The following AP3M1 variants were observed in gnomAD, a reference collection of about 807,000 sequenced individuals.
AP3M1 encodes the protein adaptor related protein complex 3 subunit mu 1, also known as AP-3 complex subunit mu-1.
Under a neutral mutation model 42.6 loss-of-function variants are expected in AP3M1, and 29 were observed. The ratio of observed to expected loss-of-function variants is 0.68; its 90% CI spans 0.51 to 0.93. The LOEUF (loss-of-function observed/expected upper bound fraction) is 0.93, where lower values mean the gene tolerates loss of function less well. AP3M1 is among the 40% of genes least tolerant of loss of function. The pLI, the probability that AP3M1 is intolerant of heterozygous loss-of-function variation, is 0.00. For missense variants in AP3M1, 416 were observed against 510.2 expected (o/e 0.82, Z 1.78); for synonymous variants, 178 against 175.3 (o/e 1.02, Z -0.12).
At chr10:74,138,451 T>C in intron 1 of AP3M1, 69 bp from the exon 2 acceptor site, 3 of 1,412,290 alleles carry the variant, frequency 2.1e-6, no homozygotes, top group South Asian at 1.4e-5. Context: ...AAAAAGATTA[T>C]ACACCTTGAC....
chr10:74,136,814 A>G lies in AP3M1; in HGVS notation c.274-11T>C. The stretch of plus-strand genomic sequence containing the variant: ...CTCACCAAAGTAGTCCTGACAAAAT[A>G]CACACAAAATATCACACAATGGAAG... On this transcript the variant is annotated splice_polypyrimidine_tract_variant and intron_variant, in intron 2 of 8. Transcript: ENST00000355264. The G allele has an allele frequency of 6.8e-7, 1 of 1,473,444 alleles. No homozygotes were observed. Among genetic ancestry groups the G allele is most frequent in the Non-Finnish European group, 9.1e-7 (1 of 1,094,166 alleles). 91.3% of individuals were successfully genotyped at this position (1,473,444 alleles called of 1,614,324 possible).
Position 74,138,933 on chromosome 10 carries a change from T to TTA in AP3M1, c.-3-552_-3-551insTA, listed in dbSNP as rs1329430287. 4.5e-4 allele frequency: 23 copies of TTA among 51,676 alleles called. 1 individual carries two copies. The highest frequency in any genetic ancestry group is 1.8e-3 in the African/African-American group (21 of 11,730). 3.2% of individuals were successfully genotyped at this position (51,676 alleles called of 1,614,324 possible). ...CTGGGTGACCAAGTGAGACACTATC[T>TTA]AAAAAAAAAAAAAAAAAAAAAAAAA... On this transcript the variant is annotated intron_variant, in intron 1 of 8. Coordinates refer to ENST00000355264, the MANE Select transcript of AP3M1 (RefSeq NM_012095.6).
chr10:74,136,789 C>A lies in AP3M1; in HGVS notation c.288G>T (p.Glu96Asp). The change falls in exon 3 of 9, where the codon GAG becomes GAT. Residue 96 changes from glutamate (E) to aspartate (D), a missense_variant. Glu to Asp is a conservative substitution (Grantham distance 45, BLOSUM62 2). Transcript: ENST00000355264. ...TATCCTTAATTGCAGCCTCTGAACA[C>A]TCACCAAAGTAGTCCTGACAAAATA... ...VADTFQDYFG[E>D]CSEAAIKDNV... 6.6e-7 allele frequency: 1 copy of A among 1,525,840 alleles called. No homozygotes were observed. Among genetic ancestry groups the A allele is most frequent in the South Asian group, 1.2e-5 (1 of 80,406 alleles). The allele number at this position is 1,525,840 out of a possible 1,614,324, so 94.5% of individuals were successfully genotyped here. A position where few individuals can be genotyped will look rare whatever the true frequency, so the allele number is the denominator to read the frequency against.
intron 1 of AP3M1, among the ~76,000 whole-genome samples, chr10:74,143,951 T>A (rs950294493): frequency 6.6e-6 from 1 of 152,172 alleles, no homozygotes; most frequent in Non-Finnish European, 1.5e-5. Context: ...AAGTTTTAAT[T>A]TTTTTGAAAT....
Position 74,121,184 on chromosome 10 carries a change from T to G in AP3M1, c.*2626A>C, listed in dbSNP as rs1005968737. The G allele has an allele frequency of 6.6e-6, 1 of 152,196 alleles. No individual in the cohort carries two copies. The highest frequency in any genetic ancestry group is 1.5e-5 in the Non-Finnish European group (1 of 68,026). The allele number at this position is 152,196 out of a possible 1,614,324, so 9.4% of individuals were successfully genotyped here. ...TGAATTAGCAGTTTCTAAAACTGTCTTGTTTTTGCCATTTACCATATGTTC... is the reference window on the plus strand; with the variant it reads ...TGAATTAGCAGTTTCTAAAACTGTCGTGTTTTTGCCATTTACCATATGTTC... On this transcript the variant is annotated 3_prime_UTR_variant, in exon 9 of 9. Transcript: ENST00000355264.
Position 74,136,755 on chromosome 10 carries a change from T to C in AP3M1, c.322A>G (p.Ile108Val), listed in dbSNP as rs752666775. ...SEAAIKDNVV[I>V]VYELLEEMLD... ...ATTTCTTCTAAGAGTTCATATACTA[T>C]GACCACATTATCCTTAATTGCAGCC... The change falls in exon 3 of 9, where the codon ATA (isoleucine) becomes GTA (valine). Residue 108 changes from isoleucine (I) to valine (V), a missense_variant. Ile to Val is a conservative substitution (Grantham distance 29). Coordinates refer to ENST00000355264, the MANE Select transcript of AP3M1 (RefSeq NM_012095.6). 11 of 1,569,678 alleles carry C rather than the reference T, an allele frequency of 7.0e-6. No homozygotes were observed. The highest frequency in any genetic ancestry group is 9.6e-6 in the Non-Finnish European group (11 of 1,147,338).
intron 1 of AP3M1, among the ~76,000 whole-genome samples, chr10:74,141,381 C>A (rs1229705439): frequency 6.6e-6 from 1 of 152,038 alleles, no homozygotes. Context: ...AACTATGATC[C>A]CACCACTGCA....
chr10:74,129,328 AG>A (rs2131967459), intron 5 of AP3M1, 87 bp from the exon 6 acceptor site: 2 of 1,394,762 alleles, frequency 1.4e-6, no homozygotes, highest in Admixed American at 4.6e-5. Context: ...TGTTCCCTGA[AG>A]ATAAAGCAGT....
intron 6 of AP3M1, among the ~76,000 whole-genome samples, chr10:74,127,721 G>C (rs1840659864): frequency 6.6e-6 from 1 of 151,874 alleles, no homozygotes. Context: ...GGGGCAAATG[G>C]CCCTAGTTTA....
chr10:74,134,767 T>C (rs1459639946), intron 3 of AP3M1, among the ~76,000 whole-genome samples: 1 of 152,190 alleles, frequency 6.6e-6, no homozygotes, highest in African/African-American at 2.4e-5. Flanking sequence ...TTACTTAATA[T>C]TTTGGTTAAT....
intron 3 of AP3M1, among the ~76,000 whole-genome samples, chr10:74,136,314 A>G (rs3812638): frequency 0.095 from 14,480 of 152,138 alleles, 826 homozygotes; most frequent in Middle Eastern, 0.16. Flanking sequence ...TTCTCTTCTA[A>G]GTGGGCTCAT....
intron 1 of AP3M1, among the ~76,000 whole-genome samples, chr10:74,149,030 G>A (rs532367994): frequency 8.0e-5 from 12 of 149,798 alleles, no homozygotes; most frequent in African/African-American, 2.7e-4. Context: ...GTGCCACCAC[G>A]CCCAGATAAT....
intron 4 of AP3M1, among the ~76,000 whole-genome samples, chr10:74,130,511 A>G (rs1366787352): frequency 6.7e-6 from 1 of 149,446 alleles, no homozygotes; most frequent in African/African-American, 2.5e-5. Context: ...TAGTGGTGCT[A>G]TGATAGCCAG....
At chr10:74,143,024 T>G (rs930492761) in intron 1 of AP3M1, among the ~76,000 whole-genome samples, 1 of 152,214 alleles carries the variant, frequency 6.6e-6, no homozygotes, top group Non-Finnish European at 1.5e-5. Context: ...CACAGCATTC[T>G]TTGCAAAAAT....
rs898778384 is a variant in AP3M1, at chr10:74,134,139, G to C, written c.471C>G (p.Leu157=). The change falls in exon 4 of 9, where the codon CTC becomes CTG. Residue 157 remains leucine, a synonymous_variant. Coordinates refer to ENST00000355264, the MANE Select transcript of AP3M1 (RefSeq NM_012095.6). ...GTATGTTGGACAGCTGCCCGGTGGGGAGTGTGTCCCCAACATTACTACTGC... is the reference window on the plus strand; with the variant it reads ...GTATGTTGGACAGCTGCCCGGTGGGCAGTGTGTCCCCAACATTACTACTGC... ...ITGSSNVGDT[L]PTGQLSNIPW... is the part of the protein sequence containing the mutation. 3 of 1,614,014 alleles carry C rather than the reference G, an allele frequency of 1.9e-6. No individual in the cohort carries two copies. In the African/African-American group the frequency reaches 4.0e-5, roughly 22 times the overall value.
At chr10:74,126,644 G>A (rs1840623290) in intron 6 of AP3M1, among the ~76,000 whole-genome samples, 1 of 151,834 alleles carries the variant, frequency 6.6e-6, no homozygotes, top group Non-Finnish European at 1.5e-5. Context: ...ATCACCTGAG[G>A]TCAGGAGTTT....
At chr10:74,149,473 A>T (rs1174949876) in intron 1 of AP3M1, among the ~76,000 whole-genome samples, 1 of 151,624 alleles carries the variant, frequency 6.6e-6, no homozygotes, top group Admixed American at 6.6e-5. Context: ...TATTTTTAGT[A>T]GAGACAGGGT....
chr10:74,134,185 A>G (rs770129831), intron 3 of AP3M1, 21 bp from the exon 4 acceptor site: 119 of 1,608,536 alleles, frequency 7.4e-5, no homozygotes, highest in Non-Finnish European at 6.7e-5. Context: ...AAAAAGGAGA[A>G]GGCAAAGCTG....
chr10:74,123,929 A>G lies in AP3M1; in HGVS notation c.1157-19T>C, dbSNP rs1300119581. 6.3e-7 allele frequency: 1 copy of G among 1,593,988 alleles called. No homozygotes were observed. The highest frequency in any genetic ancestry group is 1.1e-5 in the South Asian group (1 of 90,594). On this transcript the variant is annotated intron_variant, in intron 8 of 8. Coordinates refer to ENST00000355264, the MANE Select transcript of AP3M1 (RefSeq NM_012095.6). ...TTTAAGCCTGTATCAAAAAGAATGAAAAAGAATAAATTATCATCATCCCAA... is the reference window on the plus strand; with the variant it reads ...TTTAAGCCTGTATCAAAAAGAATGAGAAAGAATAAATTATCATCATCCCAA...
Sources: gnomAD v4.1 joint callset for allele counts (sites outside exome capture counted in the v4.1 genomes callset) on GRCh38, gnomAD v4.1.1 for gene constraint, MANE v1.5 for transcripts, NCBI Gene and HGNC (gene_info 2026-07-23, HGNC 2026-07-21) for gene names.